The following GPR19 variants were observed in gnomAD, a reference collection of about 807,000 sequenced individuals.
GPR19 encodes the protein G protein-coupled receptor 19, also known as probable G protein-coupled receptor 19.
GPR19 carries 14 observed loss-of-function variants against 28.5 expected under a neutral mutation model. That is an observed-to-expected ratio of 0.49 (90% CI 0.32 to 0.77). The LOEUF is 0.77. GPR19 is among the 30% of genes least tolerant of loss of function. The pLI, the probability that GPR19 is intolerant of heterozygous loss-of-function variation, is 0.03. For missense variants in GPR19, 409 were observed against 504.1 expected (o/e 0.81, Z 1.81); for synonymous variants, 173 against 184.1 (o/e 0.94, Z 0.49).
At chr12:12,679,876 A>C (rs1192353873) in intron 3 of GPR19, among the ~76,000 whole-genome samples, 1 of 152,214 alleles carries the variant, frequency 6.6e-6, no homozygotes, top group Non-Finnish European at 1.5e-5. Flanking sequence ...ATAAAATTAG[A>C]ATAAATAATA....
chr12:12,716,776 G>C, the GPR19 span: 4 of 985,304 alleles, frequency 4.1e-6, no homozygotes, highest in Non-Finnish European at 3.6e-6. Context: ...GAAACTTCTG[G>C]GTTAAGGCTG....
upstream of GPR19, among the ~76,000 whole-genome samples, chr12:12,696,872 T>C (rs1225553787): frequency 6.6e-6 from 1 of 152,126 alleles, no homozygotes; most frequent in Non-Finnish European, 1.5e-5. Flanking sequence ...AAGAAAATAA[T>C]GGTAGGGAAA....
At chr12:12,702,907 A>G in the GPR19 span, among the ~76,000 whole-genome samples, 2 of 152,224 alleles carry the variant, frequency 1.3e-5, no homozygotes, top group African/African-American at 4.8e-5. Flanking sequence ...TGACTGATAA[A>G]CTGAACTTGG....
At chr12:12,681,046 C>T (rs536058621) in intron 3 of GPR19, among the ~76,000 whole-genome samples, 2 of 152,304 alleles carry the variant, frequency 1.3e-5, no homozygotes, top group Non-Finnish European at 2.9e-5. Context: ...AATCCTCCCG[C>T]CTTAGCCTCC....
Position 12,662,291 on chromosome 12 carries a change from T to G in GPR19, c.158A>C (p.Gln53Pro), listed in dbSNP as rs1945689102. ...LSEEHSWMSN[Q>P]TDLHYVLKPG... ...TTTCAGCACATAGTGAAGGTCTGTT[T>G]GGTTGCTCATCCAACTGTGCTCCTC... Residue 53 changes from glutamine (Q) to proline (P), a missense_variant, in exon 4 of 4, where the codon CAA becomes CCA. Transcript: ENST00000651487. 2 of 1,614,112 alleles carry G rather than the reference T, an allele frequency of 1.2e-6. No individual in the cohort carries two copies. Among genetic ancestry groups the G allele is most frequent in the African/African-American group, 2.7e-5 (2 of 74,942 alleles).
chr12:12,716,637 CCTTT>C, the GPR19 span: 1 of 390,584 alleles, frequency 2.6e-6, no homozygotes, highest in Non-Finnish European at 3.5e-6. Context: ...ATCTTGAGTT[CCTTT>C]CTTATTTTCA....
At chr12:12,696,892 A>C (rs2270451), upstream of GPR19, among the ~76,000 whole-genome samples, 1 of 152,104 alleles carries the variant, frequency 6.6e-6, no homozygotes, top group Non-Finnish European at 1.5e-5. Context: ...AACACTGGAC[A>C]CTCAGAAATC....
intron 3 of GPR19, among the ~76,000 whole-genome samples, chr12:12,662,938 A>G (rs1278327527): frequency 1.3e-5 from 2 of 152,216 alleles, no homozygotes; most frequent in African/African-American, 4.8e-5. Flanking sequence ...GATTTTGACT[A>G]TGGAAGTAGC....
chr12:12,706,267 T>G, the GPR19 span, among the ~76,000 whole-genome samples: 1 of 152,238 alleles, frequency 6.6e-6, no homozygotes, highest in African/African-American at 2.4e-5. Context: ...TTGATCATGC[T>G]TTCCTCCTTG....
the GPR19 span, among the ~76,000 whole-genome samples, chr12:12,702,349 C>A: frequency 6.6e-6 from 1 of 151,926 alleles, no homozygotes; most frequent in Non-Finnish European, 1.5e-5. Context: ...TTCTAAAATT[C>A]TAAATACAAG....
chr12:12,665,355 T>A (rs1555176554), intron 3 of GPR19, among the ~76,000 whole-genome samples: 1 of 152,158 alleles, frequency 6.6e-6, no homozygotes, highest in Non-Finnish European at 1.5e-5. Flanking sequence ...CCCATGAGTC[T>A]GTCTGCCCAT....
intron 3 of GPR19, among the ~76,000 whole-genome samples, chr12:12,663,255 G>A (rs1025140540): frequency 5.3e-5 from 8 of 152,004 alleles, no homozygotes; most frequent in Non-Finnish European, 7.4e-5. Context: ...AATGTAACCA[G>A]GTTACGGGAG....
At chr12:12,697,184 A>T (rs1946279709), upstream of GPR19, among the ~76,000 whole-genome samples, 1 of 144,652 alleles carries the variant, frequency 6.9e-6, no homozygotes. Flanking sequence ...AAAAGCAGCC[A>T]TGCAAAATTT....
upstream of GPR19, among the ~76,000 whole-genome samples, chr12:12,698,639 C>G (rs1162949631): frequency 6.7e-6 from 1 of 149,852 alleles, no homozygotes; most frequent in Non-Finnish European, 1.5e-5. Context: ...TCAAGACGGT[C>G]TTGCTCTGTC....
At chr12:12,672,737 A>G (rs1945872307) in intron 3 of GPR19, among the ~76,000 whole-genome samples, 1 of 151,152 alleles carries the variant, frequency 6.6e-6, no homozygotes. Flanking sequence ...ACAGAACAAG[A>G]CTCCATCTCA....
chr12:12,662,474 G>T lies in GPR19; in HGVS notation c.-22-4C>A, dbSNP rs199998459. The stretch of plus-strand genomic sequence containing the variant: ...ATTCACTTTTTTTCTCTTAATTCTG[G>T]TTGGGGAAAAGAAGAATGAGGCCTC... On this transcript the variant is annotated splice_region_variant and splice_polypyrimidine_tract_variant and intron_variant, in intron 3 of 3. Coordinates refer to ENST00000651487, the MANE Select transcript of GPR19 (RefSeq NM_006143.3). 2 of 1,603,436 alleles carry T rather than the reference G, an allele frequency of 1.2e-6. No homozygotes were observed. The highest frequency in any genetic ancestry group is 1.7e-6 in the Non-Finnish European group (2 of 1,173,860).
the GPR19 span, among the ~76,000 whole-genome samples, chr12:12,716,271 G>A: frequency 6.6e-6 from 1 of 152,238 alleles, no homozygotes; most frequent in African/African-American, 2.4e-5. Context: ...GTTTGACCCC[G>A]AGGGGAGTAT....
chr12:12,664,918 T>A (rs1205674532), intron 3 of GPR19, among the ~76,000 whole-genome samples: 2 of 24,108 alleles, frequency 8.3e-5, no homozygotes, highest in Non-Finnish European at 1.2e-4. Context: ...AGACGCCATC[T>A]CAAAAAAAAA....
rs906616243 is a variant in GPR19, at chr12:12,673,813, C to A, written c.-23+10538G>T. 3.9e-5 allele frequency among the ~76,000 whole-genome samples: 6 copies of A among 152,116 alleles called. No homozygotes were observed. In the South Asian group the frequency reaches 1.0e-3, roughly 26 times the overall value. On this transcript the variant is annotated intron_variant, in intron 3 of 3. Transcript: ENST00000651487. The stretch of plus-strand genomic sequence containing the variant: ...GGTTTTAGTCTATTGAAGGAAAATT[C>A]ATCGCAGGTTTCAGGCAAAGGAGTG...
Sources: allele counts gnomAD v4.1 joint callset (sites outside exome capture counted in the v4.1 genomes callset), GRCh38; gene constraint gnomAD v4.1.1; transcripts MANE v1.5; gene names NCBI Gene and HGNC (gene_info 2026-07-23, HGNC 2026-07-21).